The following ARHGAP32 variants were observed in gnomAD, a reference collection of about 807,000 sequenced individuals.
ARHGAP32 encodes Rho GTPase activating protein 32.
A neutral mutation model predicts 186.5 loss-of-function variants in ARHGAP32; 51 were observed. That is an observed-to-expected ratio of 0.27 (90% CI 0.22 to 0.35). ARHGAP32 has a LOEUF of 0.35. ARHGAP32 is among the 10% of genes least tolerant of loss of function. The pLI is 1.00. For missense variants in ARHGAP32, 2,186 were observed against 2,623.5 expected, an observed-to-expected ratio of 0.83 and a Z score of 3.64; for synonymous variants, 950 against 964.3, an observed-to-expected ratio of 0.99 and a Z score of 0.27.
At chr11:129,277,945 G>A (rs539689417) in intron 1 of ARHGAP32, among the ~76,000 whole-genome samples, 112 of 152,310 alleles carry the variant, frequency 7.4e-4, no homozygotes, top group Middle Eastern at 3.4e-3. Context: ...CAATAAGGAA[G>A]GATATATTGA....
At chr11:129,217,357 T>C (rs922100387) in intron 1 of ARHGAP32, among the ~76,000 whole-genome samples, 2 of 152,180 alleles carry the variant, frequency 1.3e-5, no homozygotes, top group East Asian at 3.8e-4. Flanking sequence ...ATAAGGTTAA[T>C]GAAGAAACTG....
At chr11:129,254,385 T>C (rs944676863) in intron 1 of ARHGAP32, among the ~76,000 whole-genome samples, 8 of 152,098 alleles carry the variant, frequency 5.3e-5, no homozygotes, top group African/African-American at 1.7e-4. Flanking sequence ...ACTGCTTCCC[T>C]TCCTCCTTCC....
At chr11:129,025,849 TTA>T (rs1476106561) in intron 11 of ARHGAP32, among the ~76,000 whole-genome samples, 1 of 148,676 alleles carries the variant, frequency 6.7e-6, no homozygotes, top group African/African-American at 2.4e-5. Flanking sequence ...TTTTATCATA[TTA>T]TATATAACAT....
At chr11:129,161,389 A>T (rs1312587063) in intron 2 of ARHGAP32, among the ~76,000 whole-genome samples, 1 of 152,124 alleles carries the variant, frequency 6.6e-6, no homozygotes, top group Non-Finnish European at 1.5e-5. Flanking sequence ...ATGGGAGAAA[A>T]TTTTTGCAAT....
intron 2 of ARHGAP32, among the ~76,000 whole-genome samples, chr11:129,131,286 T>C (rs1024111866): frequency 6.6e-6 from 1 of 152,162 alleles, no homozygotes; most frequent in African/African-American, 2.4e-5. Flanking sequence ...CTTATGTGTG[T>C]GTGTGTTAAA....
At chr11:129,063,860 T>C in intron 9 of ARHGAP32, 42 bp downstream of exon 9, 1 of 1,569,728 alleles carries the variant, frequency 6.4e-7, no homozygotes, top group African/African-American at 1.4e-5. Context: ...GGCCAGAAAG[T>C]TAGCAAGAAC....
Position 128,980,719 on chromosome 11 carries a change from C to A in ARHGAP32, c.1810G>T (p.Val604Leu), listed in dbSNP as rs954428096. 6.2e-7 allele frequency: 1 copy of A among 1,612,476 alleles called. No homozygotes were observed. The highest frequency in any genetic ancestry group is 1.3e-5 in the African/African-American group (1 of 74,836). ...ASLSRPKSLL[V>L]SSPSTKLLTL... The stretch of plus-strand genomic sequence containing the variant: ...AGCAGTTTGGTGGATGGAGAGGATA[C>A]CAGGAGGGACTTGGGCCTTGATAGA... The change falls in exon 18 of 23, where the codon GTA becomes TTA. Residue 604 changes from valine (V) to leucine (L), a missense_variant. Around this residue, in one of 5 missense-constraint regions of ARHGAP32, gnomAD observed 263 missense variants for 323.5 expected, o/e 0.81. Coordinates refer to ENST00000682385, the MANE Select transcript of ARHGAP32 (RefSeq NM_001378024.1).
At chr11:129,033,751 T>G (rs763362186) in intron 11 of ARHGAP32, among the ~76,000 whole-genome samples, 2 of 152,226 alleles carry the variant, frequency 1.3e-5, no homozygotes, top group East Asian at 3.8e-4. Flanking sequence ...TGGATTTTTG[T>G]GTATGGGGTT....
At chr11:128,984,209 A>T (rs1230176972) in intron 15 of ARHGAP32, among the ~76,000 whole-genome samples, 1 of 151,992 alleles carries the variant, frequency 6.6e-6, no homozygotes, top group Non-Finnish European at 1.5e-5. Context: ...CCCCAACTCT[A>T]CCAAAAATAC....
chr11:129,000,178 C>G (rs1946316969), intron 11 of ARHGAP32, among the ~76,000 whole-genome samples: 2 of 152,076 alleles, frequency 1.3e-5, no homozygotes, highest in African/African-American at 4.8e-5. Context: ...CTATAATATA[C>G]TAAGTACATC....
intron 11 of ARHGAP32, among the ~76,000 whole-genome samples, chr11:129,040,717 C>T (rs1040477250): frequency 3.1e-4 from 47 of 152,000 alleles, no homozygotes; most frequent in Non-Finnish European, 4.9e-4. Flanking sequence ...GAGCAATTGC[C>T]TAAAAATTTG....
chr11:129,221,567 G>C (rs918863144), intron 1 of ARHGAP32, among the ~76,000 whole-genome samples: 2 of 149,414 alleles, frequency 1.3e-5, no homozygotes, highest in South Asian at 2.1e-4. Flanking sequence ...GCAGAGATGA[G>C]TGGAACCAAT....
At chr11:129,167,424 T>C (rs1041917755) in intron 1 of ARHGAP32, among the ~76,000 whole-genome samples, 2 of 152,150 alleles carry the variant, frequency 1.3e-5, no homozygotes, top group African/African-American at 2.4e-5. Flanking sequence ...TGAATATTCA[T>C]AGCAATATTA....
At chr11:129,015,312 A>T (rs1938284808) in intron 11 of ARHGAP32, among the ~76,000 whole-genome samples, 1 of 152,216 alleles carries the variant, frequency 6.6e-6, no homozygotes, top group Admixed American at 6.5e-5. Context: ...CTGGAAAATC[A>T]GGAGCTAACG....
chr11:129,228,982 A>G (rs1397908084), intron 1 of ARHGAP32, among the ~76,000 whole-genome samples: 3 of 152,226 alleles, frequency 2.0e-5, no homozygotes, highest in African/African-American at 7.2e-5. Context: ...CCCAATTCAC[A>G]TAAGGTTGTG....
intron 11 of ARHGAP32, among the ~76,000 whole-genome samples, chr11:129,017,615 C>T (rs1938415754): frequency 6.6e-6 from 1 of 152,032 alleles, no homozygotes. Flanking sequence ...TATTCAGCAA[C>T]CTTGCTGAAC....
At chr11:128,984,953 C>G (rs1332194745) in intron 15 of ARHGAP32, among the ~76,000 whole-genome samples, 1 of 152,104 alleles carries the variant, frequency 6.6e-6, no homozygotes, top group Non-Finnish European at 1.5e-5. Context: ...CTCCAACTTA[C>G]AATGGTTCAA....
chr11:129,036,380 C>CA (rs58678377), intron 11 of ARHGAP32, among the ~76,000 whole-genome samples: 16,106 of 97,474 alleles, frequency 0.17, 3,656 homozygotes, highest in South Asian at 0.33. Context: ...AACTCCGTCT[C>CA]AAAAAAAAAA....
At chr11:129,096,650 C>A (rs771803635) in intron 5 of ARHGAP32, among the ~76,000 whole-genome samples, 6 of 151,966 alleles carry the variant, frequency 3.9e-5, no homozygotes, top group African/African-American at 7.3e-5. Context: ...TTTCAGAGAT[C>A]TATGCTGTGG....
Sources: allele counts gnomAD v4.1 joint callset (sites outside exome capture counted in the v4.1 genomes callset), GRCh38; gene constraint gnomAD v4.1.1; regional missense constraint gnomAD v4.1.1; transcripts MANE v1.5; gene names NCBI Gene and HGNC (gene_info 2026-07-23, HGNC 2026-07-21).